Variants in ERCC2 observed in about 807,000 individuals in gnomAD.
The protein encoded by ERCC2 is ERCC excision repair 2, TFIIH core complex helicase subunit.
ERCC2 carries 90 observed loss-of-function variants against 99.4 expected under a neutral mutation model. The ratio of observed to expected loss-of-function variants is 0.91; its 90% CI spans 0.76 to 1.08. ERCC2 has a LOEUF of 1.08. ERCC2 is among the 50% of genes least tolerant of loss of function. The probability of loss-of-function intolerance (pLI) is 0.00; values close to 1 mark genes in which losing one functional copy is unlikely to be tolerated. For synonymous variants in ERCC2, 497 were observed against 432.4 expected (o/e 1.15, Z -1.85); for missense variants, 993 against 1,038.1 (o/e 0.96, Z 0.60).
intron 12 of ERCC2, chr19:45,358,838 C>G: frequency 1.3e-6 from 1 of 780,832 alleles, no homozygotes; most frequent in Non-Finnish European, 2.4e-6. Flanking sequence ...GTTTTCCCAT[C>G]TGGAATATAA....
chr19:45,361,871 CCA>C, intron 11 of ERCC2: 1 of 547,056 alleles, frequency 1.8e-6, no homozygotes, highest in Non-Finnish European at 3.4e-6. Flanking sequence ...ATCAGACACT[CCA>C]GAGTCATGTG....
intron 16 of ERCC2, among the ~76,000 whole-genome samples, chr19:45,355,173 A>G (rs1286624314): frequency 1.3e-5 from 2 of 152,222 alleles, no homozygotes; most frequent in African/African-American, 4.8e-5. Flanking sequence ...CCTGGCCAAC[A>G]TGGCGAAACC....
chr19:45,351,221 C>G lies in ERCC2; in HGVS notation c.*408G>C. 6.3e-7 allele frequency: 1 copy of G among 1,591,382 alleles called. No homozygotes were observed. The highest frequency in any genetic ancestry group is 8.6e-7 in the Non-Finnish European group (1 of 1,168,796). ...GTTGGCTGCCAGGCTGGACCTGGAG[C>G]TGGAGGGTGGATGTAACACTTGCCC... On this transcript the variant is annotated 3_prime_UTR_variant, in exon 23 of 23. Transcript: ENST00000391945.
intron 14 of ERCC2, 37 bp from the exon 15 acceptor site, chr19:45,357,408 G>C (rs758132904): frequency 5.0e-6 from 8 of 1,608,592 alleles, no homozygotes; most frequent in Non-Finnish European, 6.0e-6. Flanking sequence ...CAGCAGGACT[G>C]GGCAGGGACC....
chr19:45,353,123 C>A lies in ERCC2; in HGVS notation c.1791G>T (p.Leu597=), dbSNP rs762330278. Residue 597 remains leucine, a synonymous_variant, in exon 19 of 23, where the codon CTG becomes CTT. Coordinates refer to ENST00000391945, the MANE Select transcript of ERCC2 (RefSeq NM_000400.4). Reference sequence around the variant, plus strand: ...CGGACACTTTGCCCCGGGCCACTGACAGCAGGATGGCCCCGCGGCCATTCT... The same window carrying A: ...CGGACACTTTGCCCCGGGCCACTGAAAGCAGGATGGCCCCGCGGCCATTCT... ...ACENGRGAIL[L]SVARGKVSEG... 3 of 1,613,564 alleles carry A rather than the reference C, an allele frequency of 1.9e-6. No homozygotes were observed. The highest frequency in any genetic ancestry group is 2.5e-6 in the Non-Finnish European group (3 of 1,179,900).
chr19:45,358,045 T>G, intron 12 of ERCC2: 1 of 415,120 alleles, frequency 2.4e-6, no homozygotes, highest in Non-Finnish European at 4.5e-6. Context: ...CCCATGACCT[T>G]TTCTTGTTTT....
At position 45,352,545 on chromosome 19, in the gene ERCC2, CCT is replaced by C. The variant is rs757535186; in HGVS notation, c.2005_2006del (p.Arg669GlyfsTer104). ...HAAQCVGRAIRGKTDYGLMVF... is the reference protein window; with the variant it reads ...HAAQCVGRAIXGKTDYGLMVF... ...CCATGAGGCCGTAGTCCGTCTTGCC[CCT>C]GATGGCCCGACCCACACACTGGGCC... On this transcript the variant is annotated frameshift_variant, in exon 21 of 23. Transcript: ENST00000391945. LOFTEE classifies it high-confidence loss of function. The C allele has an allele frequency of 2.6e-5, 42 of 1,614,034 alleles. No individual in the cohort carries two copies. Among genetic ancestry groups the C allele is most frequent in the Non-Finnish European group, 3.3e-5 (39 of 1,180,042 alleles).
In ERCC2 at chr19:45,370,564, G is replaced by A. The variant is rs199992963; in HGVS notation, c.-24C>T. The A allele has an allele frequency of 2.9e-5, 46 of 1,591,268 alleles. No homozygotes were observed. The Admixed American group carries it at 3.6e-4, about 12-fold the overall frequency. ...ATGGCGCCGGCCGGACTGTGCAGCG[G>A]GGTCGACCCGCCTCCCTCATGAATA... On this transcript the variant is annotated 5_prime_UTR_variant, in exon 1 of 23. Transcript: ENST00000391945.
chr19:45,368,864 C>A (rs192705084), intron 4 of ERCC2, 66 bp downstream of exon 4: 2 of 1,592,198 alleles, frequency 1.3e-6, no homozygotes, highest in Non-Finnish European at 1.7e-6. Context: ...TGACGGCCAC[C>A]GCCAGGGGGA....
chr19:45,350,366 A>T lies in ERCC2; in HGVS notation c.*1263T>A. On this transcript the variant is annotated 3_prime_UTR_variant, in exon 23 of 23. Transcript: ENST00000391945. Reference sequence around the variant, plus strand: ...GCCTCAGCCTACCTGAAACAGAACAAGTATCAACAAGCGGAAGAGCTGTAC... The same window carrying T: ...GCCTCAGCCTACCTGAAACAGAACATGTATCAACAAGCGGAAGAGCTGTAC... The T allele has an allele frequency of 1.2e-6, 2 of 1,613,544 alleles. No homozygotes were observed. Among genetic ancestry groups the T allele is most frequent in the Non-Finnish European group, 8.5e-7 (1 of 1,179,972 alleles).
At position 45,363,799 on chromosome 19, in the gene ERCC2, C is replaced by G. The variant is rs1316099599; in HGVS notation, c.1062G>C (p.Pro354=). 6.5e-7 allele frequency: 1 copy of G among 1,539,384 alleles called. No individual in the cohort carries two copies. The highest frequency in any genetic ancestry group is 8.7e-7 in the Non-Finnish European group (1 of 1,148,970). The change falls in exon 11 of 23, where the codon CCG becomes CCC. Residue 354 remains proline, a synonymous_variant. Transcript: ENST00000391945. ...LRVQHVVQES[P]PAFLSGLAQR... ...GGGCCAGGCCGCTCAGGAAGGCGGG[C>G]GGGCTCTCCTGCACCACATGCTGCA...
At position 45,361,651 on chromosome 19, in the gene ERCC2, G is replaced by A; in HGVS notation, c.1119-9C>T. On this transcript the variant is annotated splice_polypyrimidine_tract_variant and intron_variant, in intron 11 of 22. Transcript: ENST00000391945. Reference sequence around the variant, plus strand: ...GGCGTTCAGCACAGAATCTGGCGGGGAGGAGAGACGGGGTCGGGGGGCAGA... The same window carrying A: ...GGCGTTCAGCACAGAATCTGGCGGGAAGGAGAGACGGGGTCGGGGGGCAGA... 1.3e-6 allele frequency: 2 copies of A among 1,599,516 alleles called. No homozygotes were observed. Among genetic ancestry groups the A allele is most frequent in the Non-Finnish European group, 1.7e-6 (2 of 1,166,982 alleles).
At chr19:45,353,634 A>G (rs965138188) in intron 17 of ERCC2, among the ~76,000 whole-genome samples, 1 of 152,192 alleles carries the variant, frequency 6.6e-6, no homozygotes, top group Non-Finnish European at 1.5e-5. Context: ...AGGCAGAGCC[A>G]ATCAGAGGCT....
At chr19:45,365,346 G>C (rs2123297316) in intron 5 of ERCC2, among the ~76,000 whole-genome samples, 188 bp from the exon 6 acceptor site, 1 of 152,354 alleles carries the variant, frequency 6.6e-6, no homozygotes, top group Admixed American at 6.5e-5. Context: ...GCTGGGCGCG[G>C]TGGCTCACGC....
At chr19:45,357,758 C>G (rs1972063575) in intron 12 of ERCC2, 59 bp from the exon 13 acceptor site, 2 of 1,461,906 alleles carry the variant, frequency 1.4e-6, no homozygotes, top group Non-Finnish European at 9.5e-7. Context: ...GCTGCACCCA[C>G]TCAGTCATTC....
Position 45,350,320 on chromosome 19 carries a change from C to T in ERCC2, c.*1309G>A. The T allele has an allele frequency of 6.2e-7, 1 of 1,608,798 alleles. No individual in the cohort carries two copies. Among genetic ancestry groups the T allele is most frequent in the Non-Finnish European group, 8.5e-7 (1 of 1,177,426 alleles). On this transcript the variant is annotated 3_prime_UTR_variant, in exon 23 of 23. Transcript: ENST00000391945. ...TGGGAACTGGGGTCCGAAAAGTTCCCAGACACTCCCTTCTCCGCAGGCCTC... is the reference window on the plus strand; with the variant it reads ...TGGGAACTGGGGTCCGAAAAGTTCCTAGACACTCCCTTCTCCGCAGGCCTC...
In ERCC2 at chr19:45,350,515, T is replaced by C; in HGVS notation, c.*1114A>G. The C allele has an allele frequency of 6.2e-7, 1 of 1,613,086 alleles. No individual in the cohort carries two copies. Among genetic ancestry groups the C allele is most frequent in the Non-Finnish European group, 8.5e-7 (1 of 1,179,702 alleles). ...AGTGTCCCCCATCTTTCCCCCTAGG[T>C]GCCCCCAACACAGGCACAGCTGGTG... On this transcript the variant is annotated 3_prime_UTR_variant, in exon 23 of 23. Coordinates refer to ENST00000391945, the MANE Select transcript of ERCC2 (RefSeq NM_000400.4).
chr19:45,370,327 C>A, intron 1 of ERCC2, 95 bp from the exon 2 acceptor site: 1 of 1,548,218 alleles, frequency 6.5e-7, no homozygotes, highest in Non-Finnish European at 8.8e-7. Flanking sequence ...GGGTGACGGG[C>A]CCGGCGCCCC....
In ERCC2 at chr19:45,351,113, C is replaced by A; in HGVS notation, c.*516G>T. The A allele has an allele frequency of 6.2e-7, 1 of 1,606,850 alleles. No individual in the cohort carries two copies. The highest frequency in any genetic ancestry group is 8.5e-7 in the Non-Finnish European group (1 of 1,176,322). On this transcript the variant is annotated 3_prime_UTR_variant, in exon 23 of 23. Coordinates refer to ENST00000391945, the MANE Select transcript of ERCC2 (RefSeq NM_000400.4). ...GCGGTCGGGCCAGTGGTGGAGTCAG[C>A]AGGTGGTGGGTTGGTGTCAGAAGAG... is the stretch of plus-strand genomic sequence containing the variant.
Sources: allele counts gnomAD v4.1 joint callset (sites outside exome capture counted in the v4.1 genomes callset), GRCh38; gene constraint gnomAD v4.1.1; transcripts MANE v1.5; gene names NCBI Gene and HGNC (gene_info 2026-07-23, HGNC 2026-07-21).